The following MRPL24 variants were observed in gnomAD, a reference collection of about 807,000 sequenced individuals.
MRPL24 encodes large ribosomal subunit protein uL24m.
In MRPL24, 15 loss-of-function variants were observed where a neutral mutation model predicts 26.9. The observed-to-expected ratio is 0.56, with a 90% CI of 0.37 to 0.86. The LOEUF (loss-of-function observed/expected upper bound fraction) is 0.86, where lower values mean the gene tolerates loss of function less well. MRPL24 is among the 40% of genes least tolerant of loss of function. The probability of loss-of-function intolerance (pLI) is 0.00; values close to 1 mark genes in which losing one functional copy is unlikely to be tolerated. For missense variants in MRPL24, 241 were observed against 281.4 expected (o/e 0.86, Z 1.03); for synonymous variants, 92 against 102.4 (o/e 0.90, Z 0.62).
intron 4 of MRPL24, 99 bp from the exon 5 acceptor site, chr1:156,737,875 C>A (rs1054792023): frequency 6.6e-7 from 1 of 1,525,758 alleles, no homozygotes; most frequent in South Asian, 1.2e-5. Flanking sequence ...GTTACCACCG[C>A]GTTTCTCCAC....
At chr1:156,741,699 G>A (rs546743994), upstream of MRPL24, 1 of 152,230 alleles carries the variant, frequency 6.6e-6, no homozygotes, top group Admixed American at 6.5e-5. Context: ...ACCAGCTAAG[G>A]GTGGCAGGTA....
intron 3 of MRPL24, 66 bp from the exon 4 acceptor site, chr1:156,738,200 G>A (rs1048983919): frequency 1.6e-5 from 25 of 1,567,014 alleles, no homozygotes; most frequent in African/African-American, 9.5e-5. Flanking sequence ...GCTACTCGGC[G>A]CATTCAGCCC....
At chr1:156,739,806 C>G (rs1020445729) in intron 1 of MRPL24, among the ~76,000 whole-genome samples, 8 of 152,056 alleles carry the variant, frequency 5.3e-5, no homozygotes, top group Non-Finnish European at 1.0e-4. Context: ...GGATTACAGG[C>G]ATGTGCCACC....
chr1:156,737,305 C>T lies in MRPL24; in HGVS notation c.*93G>A. ...CACACAGCAGCTGTACACAGGAGGACTCATAAAGTGCTCTTTATTGGCATC... is the reference window on the plus strand; with the variant it reads ...CACACAGCAGCTGTACACAGGAGGATTCATAAAGTGCTCTTTATTGGCATC... On this transcript the variant is annotated 3_prime_UTR_variant, in exon 6 of 6. Coordinates refer to ENST00000361531, the MANE Select transcript of MRPL24 (RefSeq NM_145729.3). The T allele has an allele frequency of 7.3e-7, 1 of 1,362,432 alleles. No homozygotes were observed. Among genetic ancestry groups the T allele is most frequent in the East Asian group, 2.3e-5 (1 of 43,074 alleles). The allele number at this position is 1,362,432 out of a possible 1,614,324, so 84.4% of individuals were successfully genotyped here.
Position 156,738,113 on chromosome 1 carries a change from T to C in MRPL24, c.301A>G (p.Thr101Ala). 6.2e-7 allele frequency: 1 copy of C among 1,614,144 alleles called. No homozygotes were observed. Among genetic ancestry groups the C allele is most frequent in the Non-Finnish European group, 8.5e-7 (1 of 1,180,006 alleles). The change falls in exon 4 of 6, where the codon ACC becomes GCC. Residue 101 changes from threonine to alanine, a missense_variant. By Grantham distance (58) the Thr-to-Ala change is moderately conservative. Coordinates refer to ENST00000361531, the MANE Select transcript of MRPL24 (RefSeq NM_145729.3). Reference sequence around the variant, plus strand: ...ATCATGGTTCCCCGGTAATCCATGGTCTTGCCAATGTAGCGGTAATGCTGT... The same window carrying C: ...ATCATGGTTCCCCGGTAATCCATGGCCTTGCCAATGTAGCGGTAATGCTGT... Reference protein sequence around the residue: ...LNTHYRYIGKTMDYRGTMIPS... With the variant: ...LNTHYRYIGKAMDYRGTMIPS...
chr1:156,740,495 G>A (rs993809219), intron 1 of MRPL24: 1 of 152,106 alleles, frequency 6.6e-6, no homozygotes, highest in African/African-American at 2.4e-5. Context: ...CCGGCATTTG[G>A]TCTTCACATT....
intron 1 of MRPL24, among the ~76,000 whole-genome samples, chr1:156,739,828 A>ATT (rs1006976803): frequency 6.7e-6 from 1 of 149,544 alleles, no homozygotes; most frequent in African/African-American, 2.5e-5. Flanking sequence ...TGACCCGCTA[A>ATT]TTTTTTTTTT....
Position 156,738,311 on chromosome 1 carries a change from C to T in MRPL24, c.279+32G>A, listed in dbSNP as rs1427578801. ...GGAGAGGGACAGATGAGACAGGCTTCCTGAGCATCCCCATCCCCTCTCTCA... is the reference window on the plus strand; with the variant it reads ...GGAGAGGGACAGATGAGACAGGCTTTCTGAGCATCCCCATCCCCTCTCTCA... On this transcript the variant is annotated intron_variant, in intron 3 of 5. Transcript: ENST00000361531. 1.1e-5 allele frequency: 17 copies of T among 1,602,904 alleles called. No homozygotes were observed. In the East Asian group the frequency reaches 3.1e-4, roughly 29 times the overall value.
rs569911286 is a variant in MRPL24, at chr1:156,741,088, T to C, written c.-137A>G. On this transcript the variant is annotated 5_prime_UTR_variant, in exon 1 of 6. The change abolishes an upstream ATG in the 5' untranslated region. Coordinates refer to ENST00000361531, the MANE Select transcript of MRPL24 (RefSeq NM_145729.3). ...CGCGGCACTTCGGATTTTCAGCACA[T>C]GGGCCCTCAGCGTCCCCTCCCCCGC... is the stretch of plus-strand genomic sequence containing the variant. 1 of 152,192 alleles carries C rather than the reference T, an allele frequency of 6.6e-6. No individual in the cohort carries two copies. Among genetic ancestry groups the C allele is most frequent in the African/African-American group, 2.4e-5 (1 of 41,426 alleles). 9.4% of individuals were successfully genotyped at this position (152,192 alleles called of 1,614,324 possible). A position where few individuals can be genotyped will look rare whatever the true frequency, so the allele number is the denominator to read the frequency against.
Position 156,737,503 on chromosome 1 carries a change from AGCATCTTCCACTGAT to A in MRPL24, c.531_545del (p.Ser178_Ala182del). On this transcript the variant is annotated inframe_deletion, in exon 6 of 6. Transcript: ENST00000361531. The stretch of plus-strand genomic sequence containing the variant: ...GACAGGGCACATAGGTTCTTTCTAA[AGCATCTTCCACTGAT>A]GTGTCTTTGGGGCCATCTGTTAAGC... 6.2e-7 allele frequency: 1 copy of A among 1,610,840 alleles called. No individual in the cohort carries two copies. The highest frequency in any genetic ancestry group is 8.5e-7 in the Non-Finnish European group (1 of 1,178,512).
Position 156,741,055 on chromosome 1 carries a change from C to T in MRPL24, c.-104G>A, listed in dbSNP as rs1446147497. ...CCTCTAGGGCGGGCGGCCCTCACCT[C>T]CACTTTCCGCGGCACTTCGGATTTT... On this transcript the variant is annotated 5_prime_UTR_variant, in exon 1 of 6. Transcript: ENST00000361531. 2.0e-5 allele frequency: 3 copies of T among 152,280 alleles called. No individual in the cohort carries two copies. The highest frequency in any genetic ancestry group is 4.4e-5 in the Non-Finnish European group (3 of 68,078). The allele number at this position is 152,280 out of a possible 1,614,324, so 9.4% of individuals were successfully genotyped here. A position where few individuals can be genotyped will look rare whatever the true frequency, so the allele number is the denominator to read the frequency against.
chr1:156,738,728 T>C lies in MRPL24; in HGVS notation c.-24A>G. The C allele has an allele frequency of 6.4e-7, 1 of 1,558,754 alleles. No individual in the cohort carries two copies. ...ATGCCTGGAGGTTGTAAGAAATCCC[T>C]TTGCCAGCAAAACGCTCGAAACCTT... On this transcript the variant is annotated 5_prime_UTR_variant, in exon 2 of 6. Transcript: ENST00000361531.
At chr1:156,738,866 CAA>C in intron 1 of MRPL24, 102 bp from the exon 2 acceptor site, 1 of 606,584 alleles carries the variant, frequency 1.6e-6, no homozygotes, top group Non-Finnish European at 2.8e-6. Flanking sequence ...TGAATCCTCA[CAA>C]GAGGTTATCA....
intron 3 of MRPL24, 62 bp from the exon 4 acceptor site, chr1:156,738,196 C>T (rs1215916542): frequency 1.3e-5 from 21 of 1,578,198 alleles, no homozygotes; most frequent in African/African-American, 2.7e-5. Flanking sequence ...CCTTGCTACT[C>T]GGCGCATTCA....
At chr1:156,739,323 A>C (rs948287912) in intron 1 of MRPL24, among the ~76,000 whole-genome samples, 16 of 152,296 alleles carry the variant, frequency 1.1e-4, no homozygotes, top group African/African-American at 3.4e-4. Context: ...CTGAGTCCTA[A>C]ATTTCCCAAC....
At chr1:156,738,213 G>A in intron 3 of MRPL24, 79 bp from the exon 4 acceptor site, 1 of 1,557,972 alleles carries the variant, frequency 6.4e-7, no homozygotes, top group Non-Finnish European at 8.9e-7. Flanking sequence ...TTCAGCCCAA[G>A]TTGAAAAGTA....
rs745590257 is a variant in MRPL24, at chr1:156,738,550, T to G, written c.155A>C (p.Glu52Ala). 2.5e-6 allele frequency: 4 copies of G among 1,614,048 alleles called. No individual in the cohort carries two copies. In the East Asian group the frequency reaches 8.9e-5, roughly 36 times the overall value. ...GTCCCCACAGAACAGATACCAGTCT[T>G]CATCAGAGATGGGTTCCACAACCAC... Reference protein sequence around the residue: ...RPVVVEPISDEDWYLFCGDTV... With the variant: ...RPVVVEPISDADWYLFCGDTV... The change falls in exon 2 of 6, where the codon GAA becomes GCA. Residue 52 changes from glutamate to alanine, a missense_variant. Transcript: ENST00000361531.
chr1:156,740,528 G>C (rs1650048823), intron 1 of MRPL24: 1 of 152,160 alleles, frequency 6.6e-6, no homozygotes, highest in Non-Finnish European at 1.5e-5. Context: ...AGGTGAGGTT[G>C]CCAGATGCAT....
intron 5 of MRPL24, 36 bp from the exon 6 acceptor site, chr1:156,737,570 G>T (rs759008772): frequency 6.2e-7 from 1 of 1,603,528 alleles, no homozygotes; most frequent in African/African-American, 1.3e-5. Flanking sequence ...GGGTGGGAGG[G>T]CTTGCCAACT....
Sources: gnomAD v4.1 joint callset for allele counts (sites outside exome capture counted in the v4.1 genomes callset) on GRCh38, gnomAD v4.1.1 for gene constraint, MANE v1.5 for transcripts, NCBI Gene and HGNC (gene_info 2026-07-23, HGNC 2026-07-21) for gene names.